The following AGMO variants were observed in gnomAD, a reference collection of about 807,000 sequenced individuals.
The protein encoded by AGMO is alkylglycerol monooxygenase, also known as glyceryl-ether monooxygenase.
AGMO carries 75 observed loss-of-function variants against 60.2 expected under a neutral mutation model. The observed-to-expected ratio is 1.25, with a 90% CI of 1.03 to 1.51. AGMO has a LOEUF of 1.51. Ranked by LOEUF, AGMO falls within the 40% of genes most tolerant of loss-of-function variation. The pLI is 0.00. For missense variants in AGMO, 763 were observed against 525.5 expected, an observed-to-expected ratio of 1.45 and a Z score of -4.42; for synonymous variants, 261 against 177.1, an observed-to-expected ratio of 1.47 and a Z score of -3.76.
intron 12 of AGMO, among the ~76,000 whole-genome samples, chr7:15,289,474 T>G (rs1262863116): frequency 1.3e-5 from 2 of 152,124 alleles, no homozygotes; most frequent in Non-Finnish European, 1.5e-5. Context: ...ATTACAATAA[T>G]GACTCTGGTT....
At chr7:15,367,986 T>C (rs1783050989) in intron 10 of AGMO, among the ~76,000 whole-genome samples, 1 of 152,102 alleles carries the variant, frequency 6.6e-6, no homozygotes, top group Non-Finnish European at 1.5e-5. Context: ...TGTAGCTTCA[T>C]ACCTTCTTAA....
At chr7:15,359,909 C>T (rs1406974981) in intron 12 of AGMO, among the ~76,000 whole-genome samples, 1 of 152,106 alleles carries the variant, frequency 6.6e-6, no homozygotes, top group Non-Finnish European at 1.5e-5. Flanking sequence ...TTTTAATACT[C>T]AGAGAAACTA....
chr7:15,142,116 T>A, the AGMO span, among the ~76,000 whole-genome samples: 1 of 152,210 alleles, frequency 6.6e-6, no homozygotes, highest in Admixed American at 6.5e-5. Context: ...ATTCTTAATC[T>A]CTAAGCCTTT....
chr7:15,248,213 T>C (rs1417292049), intron 12 of AGMO, among the ~76,000 whole-genome samples: 2 of 102,262 alleles, frequency 2.0e-5, no homozygotes, highest in African/African-American at 8.2e-5. Context: ...TATATATATA[T>C]ATATATATAT....
intron 12 of AGMO, among the ~76,000 whole-genome samples, chr7:15,231,086 C>A (rs776400056): frequency 6.6e-6 from 1 of 152,162 alleles, no homozygotes; most frequent in East Asian, 1.9e-4. Context: ...AGTTCAAGTT[C>A]ATTTTCAATT....
the AGMO span, among the ~76,000 whole-genome samples, chr7:15,145,267 G>T: frequency 1.3e-5 from 2 of 152,078 alleles, no homozygotes; most frequent in African/African-American, 4.8e-5. Flanking sequence ...AATAGTATTT[G>T]AAAAGGTACT....
intron 12 of AGMO, among the ~76,000 whole-genome samples, chr7:15,223,778 C>T (rs558328158): frequency 7.8e-4 from 117 of 150,552 alleles, no homozygotes; most frequent in African/African-American, 2.6e-3. Context: ...ATTTATTATA[C>T]ACTTAATATC....
chr7:15,358,730 C>T (rs953981395), intron 12 of AGMO, among the ~76,000 whole-genome samples: 2 of 152,158 alleles, frequency 1.3e-5, no homozygotes, highest in Admixed American at 1.3e-4. Flanking sequence ...CAGAACATGT[C>T]TTTGTGGTAA....
intron 3 of AGMO, among the ~76,000 whole-genome samples, chr7:15,481,018 TTATA>T (rs1027567675): frequency 3.9e-5 from 6 of 152,156 alleles, no homozygotes; most frequent in Admixed American, 2.6e-4. Flanking sequence ...ATTAACATGT[TTATA>T]TACATATACA....
At chr7:15,322,689 T>C (rs1360481460) in intron 12 of AGMO, among the ~76,000 whole-genome samples, 1 of 70,204 alleles carries the variant, frequency 1.4e-5, no homozygotes, top group Non-Finnish European at 2.3e-5. Context: ...TATATATAAA[T>C]ATATGAATAT....
intron 12 of AGMO, among the ~76,000 whole-genome samples, chr7:15,327,397 C>CA (rs1781373389): frequency 6.6e-6 from 1 of 152,018 alleles, no homozygotes; most frequent in Non-Finnish European, 1.5e-5. Context: ...GAACCGGATA[C>CA]AAAAAAGAAA....
intron 3 of AGMO, among the ~76,000 whole-genome samples, chr7:15,467,186 A>G (rs1782317367): frequency 6.6e-6 from 1 of 152,166 alleles, no homozygotes; most frequent in Non-Finnish European, 1.5e-5. Flanking sequence ...CAACAATAAA[A>G]TGTTGTACTC....
chr7:15,172,266 T>C, the AGMO span, among the ~76,000 whole-genome samples: 25,981 of 152,236 alleles, frequency 0.17, 2,255 homozygotes, highest in East Asian at 0.22. Context: ...GAGCTGTCCA[T>C]AGAGGATACG....
chr7:15,187,056 ATTTTCT>A, the AGMO span, among the ~76,000 whole-genome samples: 1 of 152,308 alleles, frequency 6.6e-6, no homozygotes, highest in South Asian at 2.1e-4. Context: ...TTATAAAGTA[ATTTTCT>A]TTTTAATTTA....
At chr7:15,299,828 CAT>C (rs1330393947) in intron 12 of AGMO, among the ~76,000 whole-genome samples, 2 of 51,848 alleles carry the variant, frequency 3.9e-5, no homozygotes, top group Admixed American at 5.1e-4. Flanking sequence ...ACTCTGTCTA[CAT>C]ACACACACAC....
rs574423525 is a variant in AGMO, at chr7:15,306,260, TTATTTCATACTAATAAATGG to T, written c.1263+59234_1263+59253del. ...TTTTGACATTTTTGAAGGTCTTTTT[TTATTTCATACTAATAAATGG>T]AAAGGGTTTTGAATTTCAATGGCTG... On this transcript the variant is annotated intron_variant, in intron 12 of 12. Coordinates refer to ENST00000342526, the MANE Select transcript of AGMO (RefSeq NM_001004320.2). The T allele has an allele frequency of 6.8e-4, 162 of 238,292 alleles. 1 individual carries two copies. The highest frequency in any genetic ancestry group is 3.6e-3 in the African/African-American group (153 of 42,666). 14.8% of individuals were successfully genotyped at this position (238,292 alleles called of 1,614,324 possible).
intron 5 of AGMO, among the ~76,000 whole-genome samples, chr7:15,414,656 C>A (rs1382643557): frequency 6.6e-6 from 1 of 151,836 alleles, no homozygotes; most frequent in Non-Finnish European, 1.5e-5. Context: ...AAAAAAGAAA[C>A]AAAACTGTCT....
At chr7:15,383,428 TA>T (rs550852277) in intron 10 of AGMO, among the ~76,000 whole-genome samples, 13 of 151,668 alleles carry the variant, frequency 8.6e-5, no homozygotes, top group African/African-American at 1.9e-4. Context: ...AAAAAAACAA[TA>T]AAAAAAAGTC....
chr7:15,124,124 A>G, the AGMO span, among the ~76,000 whole-genome samples: 4 of 152,104 alleles, frequency 2.6e-5, no homozygotes. Flanking sequence ...TGTTTCCCAC[A>G]TAGAGTTTCA....
Sources: allele counts gnomAD v4.1 joint callset (sites outside exome capture counted in the v4.1 genomes callset), GRCh38; gene constraint gnomAD v4.1.1; transcripts MANE v1.5; gene names NCBI Gene and HGNC (gene_info 2026-07-23, HGNC 2026-07-21).